Variants in GPM6A observed in about 807,000 individuals in gnomAD.
GPM6A encodes the protein neuronal membrane glycoprotein M6-a.
Under a neutral mutation model 32.1 loss-of-function variants are expected in GPM6A, and 7 were observed. The observed-to-expected ratio is 0.22, with a 90% CI of 0.12 to 0.41. GPM6A has a LOEUF of 0.41. GPM6A is among the 10% of genes least tolerant of loss of function. GPM6A has a pLI of 1.00. For missense variants in GPM6A, 235 were observed against 347.2 expected (o/e 0.68, Z 2.57); for synonymous variants, 130 against 123.4 (o/e 1.05, Z -0.35).
intron 1 of GPM6A, among the ~76,000 whole-genome samples, chr4:175,963,309 C>T (rs538000612): frequency 4.6e-5 from 7 of 151,958 alleles, no homozygotes; most frequent in South Asian, 2.1e-4. Context: ...CTAAGAATCT[C>T]GGAGAACACC....
chr4:175,672,201 C>A (rs905655426), intron 3 of GPM6A, among the ~76,000 whole-genome samples: 9 of 152,140 alleles, frequency 5.9e-5, no homozygotes, highest in African/African-American at 1.4e-4. Flanking sequence ...CTCGTCCTGG[C>A]AGAAGGTTAT....
intron 1 of GPM6A, among the ~76,000 whole-genome samples, chr4:175,722,211 C>T (rs1746175363): frequency 6.6e-6 from 1 of 151,878 alleles, no homozygotes; most frequent in Admixed American, 6.6e-5. Context: ...CCCTTGAGCC[C>T]AGGTATATTT....
chr4:175,803,164 TTCATCATCATCA>T (rs5864348), intron 1 of GPM6A, among the ~76,000 whole-genome samples: 8 of 145,508 alleles, frequency 5.5e-5, no homozygotes, highest in Non-Finnish European at 1.1e-4. Context: ...CTGTTCTCGT[TTCATCATCATCA>T]TCATCATCAT....
At chr4:175,909,514 C>T (rs968805498) in intron 1 of GPM6A, among the ~76,000 whole-genome samples, 10 of 152,062 alleles carry the variant, frequency 6.6e-5, no homozygotes, top group African/African-American at 2.4e-4. Context: ...ATGGAACTGA[C>T]ATGATAGAAG....
intron 1 of GPM6A, among the ~76,000 whole-genome samples, chr4:175,797,690 A>G (rs1243157894): frequency 6.6e-6 from 1 of 152,162 alleles, no homozygotes; most frequent in Admixed American, 6.6e-5. Context: ...TACTTTTTGA[A>G]GTAGTCAAGG....
At chr4:175,784,446 A>G (rs1338923573) in intron 1 of GPM6A, among the ~76,000 whole-genome samples, 1 of 152,140 alleles carries the variant, frequency 6.6e-6, no homozygotes, top group Admixed American at 6.6e-5. Context: ...AGATTATTAT[A>G]TCTATGTTAA....
chr4:175,824,231 A>G (rs935447164), intron 1 of GPM6A, among the ~76,000 whole-genome samples: 1 of 152,178 alleles, frequency 6.6e-6, no homozygotes, highest in Admixed American at 6.5e-5. Flanking sequence ...TTTACATTCT[A>G]GACGTTCCTC....
chr4:175,871,649 A>C (rs1435103658), intron 1 of GPM6A, among the ~76,000 whole-genome samples: 3 of 152,094 alleles, frequency 2.0e-5, no homozygotes, highest in African/African-American at 7.2e-5. Context: ...TCACCAACAC[A>C]ACATTTTTGG....
intron 1 of GPM6A, chr4:175,961,990 T>C (rs1054208099): frequency 2.0e-5 from 11 of 542,522 alleles, no homozygotes; most frequent in African/African-American, 3.8e-5. Flanking sequence ...AGGGCTCTTG[T>C]ATATTAACAG....
intron 2 of GPM6A, among the ~76,000 whole-genome samples, chr4:175,684,125 G>A (rs756098071): frequency 3.3e-5 from 5 of 151,946 alleles, no homozygotes; most frequent in East Asian, 1.9e-4. Context: ...CACTGCACCC[G>A]GCCTTACATT....
chr4:175,662,459 G>C (rs1230856863), intron 3 of GPM6A, among the ~76,000 whole-genome samples: 5 of 151,964 alleles, frequency 3.3e-5, no homozygotes, highest in Admixed American at 3.3e-4. Context: ...AATTAGCCAG[G>C]CATGGTGGTT....
chr4:175,948,370 T>C (rs2126366328), intron 1 of GPM6A, among the ~76,000 whole-genome samples: 1 of 152,258 alleles, frequency 6.6e-6, no homozygotes, highest in African/African-American at 2.4e-5. Context: ...AAGAATACAA[T>C]GAGAAGATGG....
At chr4:175,900,973 A>G (rs1271541573) in intron 1 of GPM6A, among the ~76,000 whole-genome samples, 1 of 152,216 alleles carries the variant, frequency 6.6e-6, no homozygotes, top group Non-Finnish European at 1.5e-5. Flanking sequence ...CATTTGCAAC[A>G]GCATGGATAG....
chr4:175,777,227 G>C (rs1733431866), intron 1 of GPM6A, among the ~76,000 whole-genome samples: 3 of 152,098 alleles, frequency 2.0e-5, no homozygotes, highest in Admixed American at 2.0e-4. Flanking sequence ...TAGGACCATT[G>C]TGAGCAAGGT....
chr4:175,874,623 T>C lies in GPM6A; in HGVS notation c.-22-62374A>G, dbSNP rs567453619. On this transcript the variant is annotated intron_variant, in intron 1 of 7. Transcript: ENST00000280187. ...GAGAAAAAGGTCAATGGAAGGTTTT[T>C]AATATTTGGAAATGAGAAGGCGAAT... is the stretch of plus-strand genomic sequence containing the variant. Among the ~76,000 whole-genome samples, 13 of 152,220 alleles carry C rather than the reference T, an allele frequency of 8.5e-5. No individual in the cohort carries two copies. In the South Asian group the frequency reaches 2.5e-3, roughly 29 times the overall value.
intron 1 of GPM6A, among the ~76,000 whole-genome samples, chr4:175,884,919 T>C (rs1354884758): frequency 2.0e-5 from 3 of 152,166 alleles, no homozygotes; most frequent in Non-Finnish European, 4.4e-5. Context: ...TCTTTGCAAA[T>C]TTGGAAGTTC....
At chr4:175,981,814 A>G (rs916134942) in intron 1 of GPM6A, among the ~76,000 whole-genome samples, 3 of 152,182 alleles carry the variant, frequency 2.0e-5, no homozygotes, top group Non-Finnish European at 4.4e-5. Context: ...GCCATTTTTC[A>G]AAGTGGTTGT....
chr4:175,653,461 G>A (rs1005808792), intron 3 of GPM6A, among the ~76,000 whole-genome samples: 8 of 152,112 alleles, frequency 5.3e-5, no homozygotes, highest in Middle Eastern at 3.4e-3. Context: ...TCTCAACAAC[G>A]TCCTTAAACT....
chr4:175,957,343 C>G (rs1052691189), intron 1 of GPM6A, among the ~76,000 whole-genome samples: 2 of 152,150 alleles, frequency 1.3e-5, no homozygotes, highest in African/African-American at 4.8e-5. Flanking sequence ...CTCTCAAGTC[C>G]ATTAATTATT....
Sources: gnomAD v4.1 joint callset for allele counts (sites outside exome capture counted in the v4.1 genomes callset) on GRCh38, gnomAD v4.1.1 for gene constraint, MANE v1.5 for transcripts, NCBI Gene and HGNC (gene_info 2026-07-23, HGNC 2026-07-21) for gene names.